CACNA1E: variants seen among roughly 807,000 people sequenced by gnomAD.
CACNA1E encodes the protein voltage-dependent R-type calcium channel subunit alpha-1E.
A neutral mutation model predicts 259.2 loss-of-function variants in CACNA1E; 40 were observed. The ratio of observed to expected loss-of-function variants is 0.15; its 90% confidence interval spans 0.12 to 0.20. The LOEUF is 0.20. CACNA1E is among the 10% of genes least tolerant of loss of function. CACNA1E has a pLI of 1.00. For missense variants in CACNA1E, 1,874 were observed against 3,040.1 expected (o/e 0.62, Z 9.02); for synonymous variants, 1,104 against 1,138.5 (o/e 0.97, Z 0.61).
intron 2 of CACNA1E, among the ~76,000 whole-genome samples, chr1:181,465,664 AT>A (rs1662109859): frequency 6.6e-6 from 1 of 152,064 alleles, no homozygotes; most frequent in Non-Finnish European, 1.5e-5. Context: ...ATTACAAGAA[AT>A]TTTGTATTTG....
chr1:181,701,474 G>A (rs1354087337), intron 7 of CACNA1E, among the ~76,000 whole-genome samples: 1 of 152,140 alleles, frequency 6.6e-6, no homozygotes, highest in African/African-American at 2.4e-5. Flanking sequence ...CTGAAATATT[G>A]TGACTGAAAC....
intron 1 of CACNA1E, among the ~76,000 whole-genome samples, chr1:181,499,947 T>A (rs1665102744): frequency 6.6e-6 from 1 of 152,176 alleles, no homozygotes; most frequent in Non-Finnish European, 1.5e-5. Flanking sequence ...CGCCTGGGTG[T>A]CTTGAAATTT....
intron 6 of CACNA1E, among the ~76,000 whole-genome samples, chr1:181,599,994 A>C (rs1161631155): frequency 6.6e-6 from 1 of 152,252 alleles, no homozygotes; most frequent in African/African-American, 2.4e-5. Flanking sequence ...ATAAGTGTAT[A>C]CTGTCAGGTA....
chr1:181,506,676 T>C (rs1665737000), intron 1 of CACNA1E, among the ~76,000 whole-genome samples: 1 of 152,220 alleles, frequency 6.6e-6, no homozygotes, highest in South Asian at 2.1e-4. Flanking sequence ...CATTTCAGCT[T>C]GGTCTTGATG....
rs756086125 is a variant in CACNA1E at position 181,798,761 on chromosome 1, G to C, written c.6869G>C (p.Gly2290Ala). 2.9e-5 allele frequency: 46 copies of C among 1,598,758 alleles called. No homozygotes were observed. The highest frequency in any genetic ancestry group is 3.9e-5 in the Non-Finnish European group (46 of 1,172,300). Residue 2290 changes from glycine to alanine, a missense_variant, in exon 48 of 48, where the codon GGG (glycine) becomes GCG (alanine). Gly to Ala is a moderately conservative substitution (Grantham distance 60, BLOSUM62 0). Transcript: ENST00000367573. The surrounding 1 kb of genome is among the most constrained non-coding windows in gnomAD (Gnocchi z 4.2). ...NGHYRRRRRG[G>A]PGPGMMCGAV... ...CACTATCGGCGGCGGAGGCGCGGGG[G>C]GCCTGGGCCAGGCATGATGTGTGGG...
At position 181,610,187 on chromosome 1, in the gene CACNA1E, CAG is replaced by C. The variant is rs1185283849; in HGVS notation, c.951+29418_951+29419del. On this transcript the variant is annotated intron_variant, in intron 6 of 47. Coordinates refer to ENST00000367573, the MANE Select transcript of CACNA1E (RefSeq NM_001205293.3). ...TAAAAGCCTTTTGCCTCCAGTGTTA[CAG>C]AGAGAGTCTGTAGACTGGGCATACT... Among the ~76,000 whole-genome samples the C allele has an allele frequency of 2.6e-5, 4 of 152,308 alleles. No homozygotes were observed. The East Asian group carries it at 7.7e-4, about 29-fold the overall frequency.
chr1:181,753,382 G>A (rs1379218531), intron 27 of CACNA1E, among the ~76,000 whole-genome samples: 1 of 152,204 alleles, frequency 6.6e-6, no homozygotes, highest in Non-Finnish European at 1.5e-5. Context: ...AGAATATAGT[G>A]TAGTTTGAGA....
At chr1:181,680,125 A>C (rs1221254330) in intron 7 of CACNA1E, among the ~76,000 whole-genome samples, 1 of 148,408 alleles carries the variant, frequency 6.7e-6, no homozygotes, top group Non-Finnish European at 1.5e-5. Context: ...AAAAAAAAAA[A>C]AAAAAAAAAG....
intron 2 of CACNA1E, among the ~76,000 whole-genome samples, chr1:181,470,060 AGAGAGAGT>A (rs914846751): frequency 6.6e-6 from 1 of 151,908 alleles, no homozygotes; most frequent in East Asian, 2.0e-4. Flanking sequence ...AGAGTGAGAG[AGAGAGAGT>A]GAGAGAGAGA....
intron 41 of CACNA1E, among the ~76,000 whole-genome samples, 192 bp downstream of exon 41, chr1:181,784,960 G>A (rs1217778478): frequency 3.3e-5 from 5 of 152,170 alleles, no homozygotes; most frequent in Admixed American, 1.3e-4. Flanking sequence ...GACTTCCTGG[G>A]TGTATAGCTC....
intron 35 of CACNA1E, among the ~76,000 whole-genome samples, chr1:181,766,898 G>A (rs1313965846): frequency 6.6e-6 from 1 of 152,178 alleles, no homozygotes; most frequent in Non-Finnish European, 1.5e-5. Context: ...GACAGCCATA[G>A]AACTAAAGCA....
At chr1:181,675,987 C>T (rs1000463604) in intron 7 of CACNA1E, among the ~76,000 whole-genome samples, 3 of 131,820 alleles carry the variant, frequency 2.3e-5, no homozygotes, top group Non-Finnish European at 4.8e-5. Flanking sequence ...TATAGCTCAG[C>T]TTTACTCTTT....
intron 3 of CACNA1E, among the ~76,000 whole-genome samples, chr1:181,523,053 G>T (rs2102684786): frequency 6.6e-6 from 1 of 152,310 alleles, no homozygotes; most frequent in African/African-American, 2.4e-5. Flanking sequence ...GTGGTGTTGT[G>T]GTTGTGGTGT....
At chr1:181,414,353 T>C (rs1242935917) in intron 2 of CACNA1E, among the ~76,000 whole-genome samples, 1 of 152,194 alleles carries the variant, frequency 6.6e-6, no homozygotes, top group Non-Finnish European at 1.5e-5. Flanking sequence ...ACAAAGAGAT[T>C]AGTCACAGAT....
intron 1 of CACNA1E, among the ~76,000 whole-genome samples, chr1:181,327,910 A>C (rs1269438094): frequency 6.6e-6 from 1 of 152,030 alleles, no homozygotes. Flanking sequence ...CTGGAGTTGG[A>C]TGGTCTGGTT....
At chr1:181,792,108 G>T (rs1053789222) in intron 44 of CACNA1E, among the ~76,000 whole-genome samples, 2 of 152,140 alleles carry the variant, frequency 1.3e-5, no homozygotes, top group Non-Finnish European at 1.5e-5. Flanking sequence ...AAGACCTGTG[G>T]AATAATAAAC....
At chr1:181,721,318 T>C (rs897022099) in intron 15 of CACNA1E, among the ~76,000 whole-genome samples, 1 of 152,220 alleles carries the variant, frequency 6.6e-6, no homozygotes. Flanking sequence ...AGAAAAATAC[T>C]GTTTGGCCAG....
chr1:181,504,890 G>C lies in CACNA1E; in HGVS notation c.267-5587G>C, dbSNP rs78453820. Among the ~76,000 whole-genome samples, 17 of 152,344 alleles carry C rather than the reference G, an allele frequency of 1.1e-4. 1 individual carries two copies. The East Asian group carries it at 3.1e-3, about 28-fold the overall frequency. ...CTGCTAGACTAGAAAGAGAGTTGGA[G>C]CAACACAGGTCCTCATTAATGGGCT... On this transcript the variant is annotated intron_variant, in intron 1 of 47. Coordinates refer to ENST00000367573, the MANE Select transcript of CACNA1E (RefSeq NM_001205293.3).
upstream of CACNA1E, among the ~76,000 whole-genome samples, chr1:181,479,076 A>T (rs1264702242): frequency 6.6e-6 from 1 of 152,220 alleles, no homozygotes; most frequent in African/African-American, 2.4e-5. Flanking sequence ...TTGGGTTTCC[A>T]CTTTGCAGGT....
Sources: gnomAD v4.1 joint callset for allele counts (sites outside exome capture counted in the v4.1 genomes callset) on GRCh38, gnomAD v4.1.1 for gene constraint, Gnocchi (gnomAD v3.1) non-coding constraint, MANE v1.5 for transcripts, NCBI Gene and HGNC (gene_info 2026-07-23, HGNC 2026-07-21) for gene names.